RGL1: variants seen among roughly 807,000 people sequenced by gnomAD.
RGL1 encodes ral guanine nucleotide dissociation stimulator-like 1.
In RGL1, 24 loss-of-function variants were observed where a neutral mutation model predicts 95.2. The ratio of observed to expected loss-of-function variants is 0.25; its 90% CI spans 0.18 to 0.35. The LOEUF is 0.35. Ranked by LOEUF, RGL1 falls within the 10% of genes least tolerant of loss-of-function variation. The pLI, the probability that RGL1 is intolerant of heterozygous loss-of-function variation, is 1.00. For synonymous variants in RGL1, 329 were observed against 344.9 expected (o/e 0.95, Z 0.51); for missense variants, 715 against 936.3 (o/e 0.76, Z 3.08).
chr1:183,837,849 A>G (rs1162368598), intron 2 of RGL1, among the ~76,000 whole-genome samples: 2 of 152,278 alleles, frequency 1.3e-5, no homozygotes, highest in Admixed American at 6.5e-5. Flanking sequence ...AGATTCCCAT[A>G]AGAAGTGTAC....
intron 2 of RGL1, among the ~76,000 whole-genome samples, chr1:183,777,127 G>A (rs13375745): frequency 0.18 from 27,227 of 152,160 alleles, 3,360 homozygotes; most frequent in African/African-American, 0.35. Context: ...GAAGATATTA[G>A]CAGTGGTTTG....
intron 2 of RGL1, among the ~76,000 whole-genome samples, chr1:183,746,421 C>T (rs1321919681): frequency 1.3e-5 from 2 of 151,852 alleles, no homozygotes; most frequent in Non-Finnish European, 2.9e-5. Context: ...ACTTCTTTTA[C>T]TCAACATTAT....
chr1:183,664,090 C>T (rs947575699), intron 1 of RGL1, among the ~76,000 whole-genome samples: 177 of 149,594 alleles, frequency 1.2e-3, no homozygotes, highest in African/African-American at 4.2e-3. Context: ...GGAGGGATAG[C>T]TTTAGGAGAT....
chr1:183,657,028 A>AAG (rs35539192), intron 1 of RGL1, among the ~76,000 whole-genome samples: 6 of 150,720 alleles, frequency 4.0e-5, no homozygotes, highest in Non-Finnish European at 5.9e-5. Flanking sequence ...AAAAAAAAAA[A>AAG]GATTGCTTTG....
rs117985611 is a variant in RGL1, at chr1:183,758,153, T to A, written c.132+15864T>A. 1.2e-3 allele frequency among the ~76,000 whole-genome samples: 186 copies of A among 152,328 alleles called. 6 individuals carry two copies. The East Asian group carries it at 0.033, about 27-fold the overall frequency. On this transcript the variant is annotated intron_variant, in intron 2 of 18. Coordinates refer to the RGL1 transcript ENST00000304685. ...TATCATCTGTCTTAGCCAGTTGGAC[T>A]GCCACAATGAAATAGCACAGACTGG...
At position 183,870,308 on chromosome 1, in the gene RGL1, C is replaced by T. The variant is rs145711892; in HGVS notation, c.425+4235C>T. On this transcript the variant is annotated intron_variant, in intron 4 of 17. Coordinates refer to ENST00000360851, the MANE Select transcript of RGL1 (RefSeq NM_001297671.3). ...GTCTTCCGGCCAGGGTAGGTGTCTTCCGGCCAGGGTAGTTGTCTTCCGGCC... is the reference window on the plus strand; with the variant it reads ...GTCTTCCGGCCAGGGTAGGTGTCTTTCGGCCAGGGTAGTTGTCTTCCGGCC... 2.6e-3 allele frequency among the ~76,000 whole-genome samples: 397 copies of T among 150,062 alleles called. 2 individuals are homozygous for T. Among genetic ancestry groups the T allele is most frequent in the African/African-American group, 8.5e-3 (349 of 40,828 alleles).
At chr1:183,858,636 T>G (rs2102571273) in intron 3 of RGL1, among the ~76,000 whole-genome samples, 1 of 152,232 alleles carries the variant, frequency 6.6e-6, no homozygotes, top group African/African-American at 2.4e-5. Context: ...ATACTGGTGG[T>G]TTTGAGTTAA....
At chr1:183,814,166 C>T (rs1167631490) in intron 2 of RGL1, among the ~76,000 whole-genome samples, 2 of 151,186 alleles carry the variant, frequency 1.3e-5, no homozygotes, top group African/African-American at 2.4e-5. Flanking sequence ...GTAGAAGACA[C>T]CACCTTGTAG....
chr1:183,706,233 A>C (rs1654904255), intron 1 of RGL1, among the ~76,000 whole-genome samples: 1 of 152,072 alleles, frequency 6.6e-6, no homozygotes, highest in East Asian at 1.9e-4. Flanking sequence ...GTGAAGGAAA[A>C]GGTGTGCAGG....
Position 183,899,524 on chromosome 1 carries a change from C to T in RGL1, c.1231-626C>T, listed in dbSNP as rs146790385. The stretch of plus-strand genomic sequence containing the variant: ...GAAAGAATATCACAGAGTAAAGTGC[C>T]CTTCTCATCACATCACATCAAGGAG... On this transcript the variant is annotated intron_variant, in intron 10 of 17. Coordinates refer to ENST00000360851, the MANE Select transcript of RGL1 (RefSeq NM_001297671.3). Among the ~76,000 whole-genome samples, 573 of 152,234 alleles carry T rather than the reference C, an allele frequency of 3.8e-3. 6 individuals carry two copies. The highest frequency in any genetic ancestry group is 6.8e-3 in the Middle Eastern group (2 of 294).
chr1:183,759,864 T>C (rs1658559098), intron 2 of RGL1, among the ~76,000 whole-genome samples: 1 of 152,260 alleles, frequency 6.6e-6, no homozygotes, highest in Admixed American at 6.5e-5. Flanking sequence ...GGTATTAGAA[T>C]GTGCTCAAGT....
At chr1:183,884,037 C>T (rs755110857) in intron 6 of RGL1, 127 bp downstream of exon 6, 46 of 948,476 alleles carry the variant, frequency 4.8e-5, no homozygotes, top group African/African-American at 6.5e-5. Context: ...AGACAGGCTG[C>T]GCCTGCAGAT....
chr1:183,640,740 A>G (rs546081013), intron 1 of RGL1, among the ~76,000 whole-genome samples: 1 of 152,176 alleles, frequency 6.6e-6, no homozygotes, highest in Non-Finnish European at 1.5e-5. Flanking sequence ...ATTTGAGGTA[A>G]TGATAATTTA....
At chr1:183,728,798 A>G (rs1656458594) in intron 1 of RGL1, among the ~76,000 whole-genome samples, 1 of 152,212 alleles carries the variant, frequency 6.6e-6, no homozygotes, top group South Asian at 2.1e-4. Flanking sequence ...ACATAGATCA[A>G]TTAAACACAA....
chr1:183,905,889 G>A (rs1668292842), intron 13 of RGL1, among the ~76,000 whole-genome samples: 1 of 152,164 alleles, frequency 6.6e-6, no homozygotes, highest in South Asian at 2.1e-4. Flanking sequence ...CATAAATATG[G>A]TTTTATTGAA....
chr1:183,899,102 C>A lies in RGL1; in HGVS notation c.1231-1048C>A, dbSNP rs76529642. Among the ~76,000 whole-genome samples the A allele has an allele frequency of 7.2e-3, 1,099 of 152,308 alleles. 9 individuals carry two copies. Among genetic ancestry groups the A allele is most frequent in the African/African-American group, 0.025 (1,037 of 41,566 alleles). On this transcript the variant is annotated intron_variant, in intron 10 of 17. Transcript: ENST00000360851. ...GGTAGAAGTGCCTCCACCTTCATTTCCAACTTTTTATTCTGGAATAAGTTT... is the reference window on the plus strand; with the variant it reads ...GGTAGAAGTGCCTCCACCTTCATTTACAACTTTTTATTCTGGAATAAGTTT...
intron 2 of RGL1, among the ~76,000 whole-genome samples, chr1:183,749,025 A>G (rs1047827606): frequency 2.6e-5 from 4 of 152,134 alleles, no homozygotes; most frequent in Non-Finnish European, 1.5e-5. Flanking sequence ...TTGCTGAGGA[A>G]TGTTTTACTT....
chr1:183,824,657 G>A (rs1044820132), intron 2 of RGL1, among the ~76,000 whole-genome samples: 4 of 152,154 alleles, frequency 2.6e-5, no homozygotes, highest in African/African-American at 9.7e-5. Flanking sequence ...ATGTTACTGT[G>A]TTTTATAAAT....
intron 2 of RGL1, among the ~76,000 whole-genome samples, chr1:183,845,149 A>G (rs1311905816): frequency 6.7e-6 from 1 of 149,548 alleles, no homozygotes; most frequent in South Asian, 2.1e-4. Context: ...ACATGTGACT[A>G]TTTCAATTTA....
Sources: allele counts gnomAD v4.1 joint callset (sites outside exome capture counted in the v4.1 genomes callset), GRCh38; gene constraint gnomAD v4.1.1; transcripts MANE v1.5; gene names NCBI Gene and HGNC (gene_info 2026-07-23, HGNC 2026-07-21).